Variants in CSMD1 observed in about 807,000 individuals in gnomAD.
The protein encoded by CSMD1 is CUB and Sushi multiple domains 1.
In CSMD1, 213 loss-of-function variants were observed where a neutral mutation model predicts 417.5. That is an observed-to-expected ratio of 0.51 (90% CI 0.46 to 0.57). CSMD1 has a LOEUF of 0.57. Ranked by LOEUF, CSMD1 falls within the 20% of genes least tolerant of loss-of-function variation. The probability of loss-of-function intolerance (pLI) is 0.00; values close to 1 mark genes in which losing one functional copy is unlikely to be tolerated. For missense variants in CSMD1, 6,923 were observed against 4,529.7 expected (o/e 1.53, Z -15.17); for synonymous variants, 2,862 against 1,736.8 (o/e 1.65, Z -16.11).
intron 8 of CSMD1, among the ~76,000 whole-genome samples, chr8:3,589,937 T>C (rs180944848): frequency 1.2e-3 from 158 of 132,588 alleles, no homozygotes; most frequent in African/African-American, 4.4e-3. Context: ...GCAATATATG[T>C]TTATCATCCA....
At chr8:3,889,239 T>C (rs571101713) in intron 5 of CSMD1, among the ~76,000 whole-genome samples, 2 of 151,780 alleles carry the variant, frequency 1.3e-5, no homozygotes, top group East Asian at 3.9e-4. Flanking sequence ...TTAATAATGA[T>C]AAATTAAAGA....
At chr8:4,568,147 T>C (rs1459715482) in intron 2 of CSMD1, among the ~76,000 whole-genome samples, 2 of 152,156 alleles carry the variant, frequency 1.3e-5, no homozygotes, top group East Asian at 1.9e-4. Flanking sequence ...TGTGTGTCTT[T>C]TTAAAAAAAT....
intron 3 of CSMD1, among the ~76,000 whole-genome samples, chr8:4,257,046 T>G (rs1340034638): frequency 6.6e-6 from 1 of 152,196 alleles, no homozygotes; most frequent in East Asian, 1.9e-4. Flanking sequence ...GAAAAGTGCC[T>G]GTGTCATCAT....
intron 1 of CSMD1, among the ~76,000 whole-genome samples, chr8:4,757,350 G>A (rs1442059502): frequency 1.3e-5 from 2 of 152,124 alleles, no homozygotes; most frequent in Non-Finnish European, 2.9e-5. Context: ...GTGCTAGCTA[G>A]GCCCCAACTC....
chr8:3,377,503 T>A (rs1461026622), intron 18 of CSMD1, among the ~76,000 whole-genome samples: 1 of 152,226 alleles, frequency 6.6e-6, no homozygotes, highest in African/African-American at 2.4e-5. Context: ...GCCACCCATA[T>A]AACTGGCATC....
At chr8:3,058,534 A>G (rs1812386772) in intron 49 of CSMD1, among the ~76,000 whole-genome samples, 1 of 152,208 alleles carries the variant, frequency 6.6e-6, no homozygotes, top group South Asian at 2.1e-4. Context: ...ATAAGGTGCT[A>G]AGACAGGAAA....
intron 43 of CSMD1, among the ~76,000 whole-genome samples, chr8:3,109,899 C>G (rs1364964557): frequency 6.6e-6 from 1 of 151,868 alleles, no homozygotes; most frequent in African/African-American, 2.4e-5. Flanking sequence ...CCAACCCACA[C>G]CCACAAACAC....
At chr8:4,548,789 G>C (rs949321923) in intron 2 of CSMD1, among the ~76,000 whole-genome samples, 1 of 151,994 alleles carries the variant, frequency 6.6e-6, no homozygotes. Flanking sequence ...GTTAGTTCAC[G>C]GGAAACCATG....
intron 10 of CSMD1, among the ~76,000 whole-genome samples, chr8:3,560,769 T>C (rs1799435764): frequency 6.6e-6 from 1 of 152,228 alleles, no homozygotes; most frequent in South Asian, 2.1e-4. Context: ...TTTTTGGCTA[T>C]ATATCTCCTT....
At chr8:4,355,688 T>C (rs1035918591) in intron 3 of CSMD1, among the ~76,000 whole-genome samples, 1 of 152,208 alleles carries the variant, frequency 6.6e-6, no homozygotes, top group South Asian at 2.1e-4. Flanking sequence ...CAGAGTTTCC[T>C]ACCAATCCCA....
intron 52 of CSMD1, among the ~76,000 whole-genome samples, chr8:3,012,880 G>A (rs1242245756): frequency 6.6e-6 from 1 of 152,182 alleles, no homozygotes; most frequent in Non-Finnish European, 1.5e-5. Context: ...ATGGAGACAG[G>A]AAGAGATAAT....
At chr8:3,475,479 C>G (rs983950389) in intron 11 of CSMD1, among the ~76,000 whole-genome samples, 1 of 152,160 alleles carries the variant, frequency 6.6e-6, no homozygotes, top group African/African-American at 2.4e-5. Flanking sequence ...AGGCAGCATA[C>G]CAAGGGCTTA....
At chr8:4,320,523 A>G (rs568890891) in intron 3 of CSMD1, among the ~76,000 whole-genome samples, 2 of 150,836 alleles carry the variant, frequency 1.3e-5, no homozygotes, top group South Asian at 4.2e-4. Flanking sequence ...CCCACCCCCC[A>G]ACAGGCCCCA....
intron 3 of CSMD1, among the ~76,000 whole-genome samples, chr8:4,074,825 T>G (rs1799738378): frequency 6.6e-6 from 1 of 152,164 alleles, no homozygotes; most frequent in Non-Finnish European, 1.5e-5. Flanking sequence ...ATGATGCCTT[T>G]TTCTTGGTAG....
At chr8:3,478,950 C>T (rs961939143) in intron 11 of CSMD1, among the ~76,000 whole-genome samples, 10 of 152,010 alleles carry the variant, frequency 6.6e-5, no homozygotes, top group South Asian at 2.1e-4. Context: ...GAATAGGTGA[C>T]GGGGCACTGC....
chr8:3,400,708 A>T (rs1399830684), intron 15 of CSMD1, among the ~76,000 whole-genome samples: 1 of 152,060 alleles, frequency 6.6e-6, no homozygotes, highest in East Asian at 1.9e-4. Flanking sequence ...AAATGTAATA[A>T]AAGAAAAATT....
At position 3,081,010 on chromosome 8, in the gene CSMD1, C is replaced by A. The variant is rs546997556; in HGVS notation, c.7474+6087G>T. The stretch of plus-strand genomic sequence containing the variant: ...ATCTTTAAAAGGAAAAATATTCTCC[C>A]ATATTTATCTTAGAAAGTGATGGAT... On this transcript the variant is annotated intron_variant, in intron 49 of 69. Coordinates refer to ENST00000635120, the MANE Select transcript of CSMD1 (RefSeq NM_033225.6). Among the ~76,000 whole-genome samples, 13 of 152,198 alleles carry A rather than the reference C, an allele frequency of 8.5e-5. No homozygotes were observed. In the East Asian group the frequency reaches 1.4e-3, roughly 16 times the overall value.
At chr8:3,720,834 G>C (rs1314243511) in intron 6 of CSMD1, among the ~76,000 whole-genome samples, 1 of 150,504 alleles carries the variant, frequency 6.6e-6, no homozygotes, top group East Asian at 1.9e-4. Flanking sequence ...TTTTTTTTTC[G>C]AGAGTCTCGC....
At chr8:3,568,884 T>C (rs1271209897) in intron 10 of CSMD1, among the ~76,000 whole-genome samples, 1 of 152,102 alleles carries the variant, frequency 6.6e-6, no homozygotes, top group Non-Finnish European at 1.5e-5. Flanking sequence ...TCATGATACA[T>C]TTAAACTTTC....
Sources: gnomAD v4.1 joint callset for allele counts (sites outside exome capture counted in the v4.1 genomes callset) on GRCh38, gnomAD v4.1.1 for gene constraint, MANE v1.5 for transcripts, NCBI Gene and HGNC (gene_info 2026-07-23, HGNC 2026-07-21) for gene names.